The following EPB41L2 variants were observed in gnomAD, a reference collection of about 807,000 sequenced individuals.
EPB41L2 encodes erythrocyte membrane protein band 4.1 like 2, also known as band 4.1-like protein 2.
Under a neutral mutation model 113.0 loss-of-function variants are expected in EPB41L2, and 43 were observed. The ratio of observed to expected loss-of-function variants is 0.38; its 90% CI spans 0.30 to 0.49. The LOEUF (loss-of-function observed/expected upper bound fraction) is 0.49. Ranked by LOEUF, EPB41L2 falls within the 20% of genes least tolerant of loss-of-function variation. EPB41L2 has a pLI of 0.95. For synonymous variants in EPB41L2, 442 were observed against 436.7 expected (o/e 1.01, Z -0.15); for missense variants, 1,147 against 1,223.4 (o/e 0.94, Z 0.93).
At chr6:131,007,274 C>G (rs1288694302) in intron 1 of EPB41L2, among the ~76,000 whole-genome samples, 3 of 152,146 alleles carry the variant, frequency 2.0e-5, no homozygotes, top group Admixed American at 6.5e-5. Flanking sequence ...GGGGCTTCCC[C>G]CTTCGCTCAG....
chr6:131,014,067 A>G (rs1787654733), intron 1 of EPB41L2: 1 of 150,442 alleles, frequency 6.6e-6, no homozygotes, highest in Non-Finnish European at 1.5e-5. Flanking sequence ...GTGTGATTAA[A>G]AAAAAAAAAA....
chr6:130,880,666 G>A (rs1190165381), intron 12 of EPB41L2: 1 of 424,686 alleles, frequency 2.4e-6, no homozygotes, highest in African/African-American at 2.0e-5. Context: ...CACCTACAGT[G>A]TTGTACGAAT....
chr6:130,942,240 G>A (rs558188293), intron 3 of EPB41L2, among the ~76,000 whole-genome samples: 50 of 152,296 alleles, frequency 3.3e-4, no homozygotes, highest in African/African-American at 1.2e-3. Context: ...GCTTTTGTGT[G>A]ATAAATTAAA....
chr6:130,893,346 T>C (rs898895811), intron 10 of EPB41L2, among the ~76,000 whole-genome samples: 1 of 151,900 alleles, frequency 6.6e-6, no homozygotes, highest in Admixed American at 6.6e-5. Flanking sequence ...AAAGAATGAA[T>C]GGGAGGAGAG....
chr6:130,921,545 C>A (rs1017160939), intron 4 of EPB41L2, among the ~76,000 whole-genome samples: 3 of 152,192 alleles, frequency 2.0e-5, no homozygotes, highest in Non-Finnish European at 4.4e-5. Context: ...AAACTCCGCA[C>A]CCACATCATG....
At chr6:131,050,025 G>A (rs376073833) in intron 1 of EPB41L2, among the ~76,000 whole-genome samples, 2 of 152,070 alleles carry the variant, frequency 1.3e-5, no homozygotes, top group African/African-American at 4.8e-5. Context: ...TGTCAGACCC[G>A]TGGTACAAAA....
chr6:130,878,094 A>G lies in EPB41L2; in HGVS notation c.2043+10T>C. The G allele has an allele frequency of 6.3e-7, 1 of 1,582,026 alleles. No homozygotes were observed. The highest frequency in any genetic ancestry group is 8.6e-7 in the Non-Finnish European group (1 of 1,166,824). On this transcript the variant is annotated intron_variant, in intron 14 of 19. Coordinates refer to ENST00000337057, the MANE Select transcript of EPB41L2 (RefSeq NM_001431.4). ...AGTGAGACAGAGCCAACAAATAGCT[A>G]ATGACATACCCCTTGTGTCTGTAGG...
intron 14 of EPB41L2, among the ~76,000 whole-genome samples, chr6:130,871,129 C>A (rs914906526): frequency 2.0e-5 from 3 of 152,164 alleles, no homozygotes; most frequent in Non-Finnish European, 4.4e-5. Context: ...AGTAATATAG[C>A]ACCTAAATGT....
At chr6:130,894,264 C>T (rs1261392604) in intron 10 of EPB41L2, 80 bp downstream of exon 10, 40 of 1,133,502 alleles carry the variant, frequency 3.5e-5, no homozygotes, top group Admixed American at 1.0e-4. Context: ...AAGTGATCCT[C>T]CCACCTCTGC....
chr6:131,012,734 T>C (rs1304196430), intron 1 of EPB41L2, among the ~76,000 whole-genome samples: 1 of 152,088 alleles, frequency 6.6e-6, no homozygotes, highest in Non-Finnish European at 1.5e-5. Context: ...ATTGAGTGTA[T>C]GTGATGCTAA....
At chr6:130,898,677 T>C (rs1356187755) in intron 8 of EPB41L2, among the ~76,000 whole-genome samples, 1 of 152,116 alleles carries the variant, frequency 6.6e-6, no homozygotes, top group Admixed American at 6.6e-5. Flanking sequence ...CCTGTGACTC[T>C]CGTTAGTATA....
intron 14 of EPB41L2, among the ~76,000 whole-genome samples, chr6:130,874,145 C>T (rs544582396): frequency 1.4e-4 from 22 of 152,166 alleles, no homozygotes; most frequent in East Asian, 7.7e-4. Flanking sequence ...TCATACAACA[C>T]GTTAAGAGGA....
intron 3 of EPB41L2, among the ~76,000 whole-genome samples, chr6:130,938,233 C>G (rs1166937213): frequency 6.6e-6 from 1 of 152,194 alleles, no homozygotes; most frequent in African/African-American, 2.4e-5. Context: ...TCTAGGCAAT[C>G]TAGGGAAAAA....
At chr6:130,873,255 T>A (rs1786338316) in intron 14 of EPB41L2, among the ~76,000 whole-genome samples, 1 of 152,152 alleles carries the variant, frequency 6.6e-6, no homozygotes, top group Admixed American at 6.5e-5. Context: ...GAAAGCTCAA[T>A]GAGCAACGTG....
chr6:131,049,798 T>A (rs1046779842), intron 1 of EPB41L2, among the ~76,000 whole-genome samples: 3 of 152,220 alleles, frequency 2.0e-5, no homozygotes, highest in African/African-American at 7.2e-5. Context: ...TCTGTCTACC[T>A]TCAGGGCTCA....
intron 1 of EPB41L2, among the ~76,000 whole-genome samples, chr6:131,045,603 A>C (rs1795295095): frequency 6.6e-6 from 1 of 152,212 alleles, no homozygotes; most frequent in African/African-American, 2.4e-5. Context: ...AGGAGAACAA[A>C]GAGCCAAAAC....
chr6:131,011,122 G>A (rs910915991), intron 1 of EPB41L2, among the ~76,000 whole-genome samples: 2 of 152,178 alleles, frequency 1.3e-5, no homozygotes, highest in African/African-American at 4.8e-5. Context: ...AATCAGCACT[G>A]TGCCAGGACC....
intron 12 of EPB41L2, among the ~76,000 whole-genome samples, chr6:130,884,335 C>T (rs550131049): frequency 4.6e-5 from 7 of 151,356 alleles, no homozygotes; most frequent in Admixed American, 6.6e-5. Flanking sequence ...AACTTCATCT[C>T]GAAAAAATAA....
At position 130,878,059 on chromosome 6, in the gene EPB41L2, G is replaced by A. The variant is rs747286435; in HGVS notation, c.2043+45C>T. On this transcript the variant is annotated intron_variant, in intron 14 of 19. Transcript: ENST00000337057. ...AGAGATTAACAATTTAAGTTTTATTGAGCAACTGAAGTGAGACAGAGCCAA... is the reference window on the plus strand; with the variant it reads ...AGAGATTAACAATTTAAGTTTTATTAAGCAACTGAAGTGAGACAGAGCCAA... The A allele has an allele frequency of 4.0e-6, 6 of 1,502,292 alleles. No homozygotes were observed. In the South Asian group the frequency reaches 7.0e-5, roughly 18 times the overall value. 93.1% of individuals were successfully genotyped at this position (1,502,292 alleles called of 1,614,324 possible).
Sources: gnomAD v4.1 joint callset for allele counts (sites outside exome capture counted in the v4.1 genomes callset) on GRCh38, gnomAD v4.1.1 for gene constraint, MANE v1.5 for transcripts, NCBI Gene and HGNC (gene_info 2026-07-23, HGNC 2026-07-21) for gene names.